The following TTC28 variants were observed in gnomAD, a reference collection of about 807,000 sequenced individuals.
TTC28 encodes the protein tetratricopeptide repeat protein 28.
In TTC28, 61 loss-of-function variants were observed where a neutral mutation model predicts 198.0. The observed-to-expected ratio is 0.31, with a 90% confidence interval of 0.25 to 0.38. The LOEUF is 0.38. Among genes scored for constraint, TTC28 ranks in the 10% least tolerant of loss-of-function variants. The pLI is 1.00. For missense variants in TTC28, 2,678 were observed against 3,164.0 expected (o/e 0.85, Z 3.69); for synonymous variants, 1,171 against 1,297.8 (o/e 0.90, Z 2.10).
intron 5 of TTC28, among the ~76,000 whole-genome samples, chr22:28,284,748 T>A (rs2044648548): frequency 6.6e-6 from 1 of 152,062 alleles, no homozygotes; most frequent in Non-Finnish European, 1.5e-5. Context: ...TGAAAAAGTG[T>A]TAAAACATCA....
intron 2 of TTC28, among the ~76,000 whole-genome samples, chr22:28,520,629 G>A (rs996816665): frequency 3.3e-5 from 5 of 152,184 alleles, no homozygotes; most frequent in African/African-American, 1.2e-4. Flanking sequence ...ATGGTGGCAT[G>A]TGCCTGTGGT....
rs1937108942 is a variant in TTC28, at chr22:27,983,836, G to A, written c.5831C>T (p.Pro1944Leu). The A allele has an allele frequency of 6.4e-7, 1 of 1,551,046 alleles. No individual in the cohort carries two copies. The highest frequency in any genetic ancestry group is 8.7e-7 in the Non-Finnish European group (1 of 1,146,834). The change falls in exon 23 of 23, where the codon CCC (proline) becomes CTC (leucine). Residue 1944 changes from proline to leucine, a missense_variant. Pro to Leu is a moderately conservative substitution (Grantham distance 98, BLOSUM62 -3). Coordinates refer to ENST00000397906, the MANE Select transcript of TTC28 (RefSeq NM_001145418.2). ...GGAGCTGTCAAGGCTGAGGCGCTTGGGTAGCTCAGTAGAATCTAAGCACAA... is the reference window on the plus strand; with the variant it reads ...GGAGCTGTCAAGGCTGAGGCGCTTGAGTAGCTCAGTAGAATCTAAGCACAA... ...LLSLFDSTEL[P>L]KRLSLDSSSS...
intron 2 of TTC28, among the ~76,000 whole-genome samples, chr22:28,496,484 C>A (rs112257793): frequency 2.0e-5 from 3 of 152,232 alleles, no homozygotes; most frequent in African/African-American, 7.2e-5. Flanking sequence ...TTTGCTCTCA[C>A]ATACCACATC....
intron 14 of TTC28, chr22:28,007,629 A>G (rs1410534712): frequency 6.6e-6 from 1 of 152,164 alleles, no homozygotes; most frequent in African/African-American, 2.4e-5. Flanking sequence ...CTCTCTCTCT[A>G]TCTTGGCTGA....
intron 5 of TTC28, among the ~76,000 whole-genome samples, chr22:28,285,696 T>G (rs1025687535): frequency 3.3e-5 from 5 of 152,212 alleles, no homozygotes; most frequent in Non-Finnish European, 5.9e-5. Context: ...TAATTTGTAT[T>G]CAGCAATTAT....
intron 2 of TTC28, among the ~76,000 whole-genome samples, chr22:28,307,106 C>T (rs1489544954): frequency 1.3e-5 from 2 of 152,020 alleles, no homozygotes; most frequent in East Asian, 3.9e-4. Flanking sequence ...TGTGTGATTA[C>T]TTTTAAGATA....
chr22:28,554,360 G>C (rs918678097), intron 2 of TTC28, among the ~76,000 whole-genome samples: 1 of 132,328 alleles, frequency 7.6e-6, no homozygotes, highest in East Asian at 2.1e-4. Flanking sequence ...AAACACCCAA[G>C]AATGATCAAT....
intron 1 of TTC28, among the ~76,000 whole-genome samples, chr22:28,632,796 A>C (rs1243671976): frequency 6.6e-6 from 1 of 151,702 alleles, no homozygotes; most frequent in Non-Finnish European, 1.5e-5. Context: ...AAGAAGAAGA[A>C]TCCTACTATT....
At chr22:28,161,900 A>AGGG in intron 6 of TTC28, among the ~76,000 whole-genome samples, 1 of 64,044 alleles carries the variant, frequency 1.6e-5, no homozygotes, top group African/African-American at 6.0e-5. Flanking sequence ...GAAGGGAAGG[A>AGGG]AGGAGGGAGG....
chr22:28,013,298 C>T (rs1938229909), intron 14 of TTC28, among the ~76,000 whole-genome samples: 1 of 152,236 alleles, frequency 6.6e-6, no homozygotes, highest in Non-Finnish European at 1.5e-5. Context: ...CAGCAGCCTG[C>T]TCGCCTGCTG....
At chr22:28,287,952 C>A (rs550280759) in intron 5 of TTC28, among the ~76,000 whole-genome samples, 2 of 152,230 alleles carry the variant, frequency 1.3e-5, no homozygotes, top group Admixed American at 1.3e-4. Flanking sequence ...AAATCTACAG[C>A]ACTTTTTCAA....
intron 5 of TTC28, among the ~76,000 whole-genome samples, chr22:28,229,265 T>A (rs1244498797): frequency 6.6e-6 from 1 of 152,226 alleles, no homozygotes; most frequent in Non-Finnish European, 1.5e-5. Flanking sequence ...TCTACTGTCT[T>A]TAAAAATCAC....
chr22:28,553,709 T>C (rs932437354), intron 2 of TTC28, among the ~76,000 whole-genome samples: 3 of 145,942 alleles, frequency 2.1e-5, no homozygotes, highest in African/African-American at 5.2e-5. Flanking sequence ...AGGTGGGGGG[T>C]CAGCCCCCGC....
chr22:28,246,704 C>T (rs1168279719), intron 5 of TTC28, among the ~76,000 whole-genome samples: 2 of 152,102 alleles, frequency 1.3e-5, no homozygotes, highest in South Asian at 4.2e-4. Flanking sequence ...AGTAACAGAC[C>T]GAAGACCACA....
At position 28,346,422 on chromosome 22, in the gene TTC28, T is replaced by G. The variant is rs546386816; in HGVS notation, c.382-39779A>C. Among the ~76,000 whole-genome samples, 32 of 152,300 alleles carry G rather than the reference T, an allele frequency of 2.1e-4. 1 individual carries two copies. The highest frequency in any genetic ancestry group is 7.2e-4 in the African/African-American group (30 of 41,582). ...TCTTCTTTGAAACATTGAGGCTACT[T>G]TATGTTCACTGGAAAATTCCGAAAG... On this transcript the variant is annotated intron_variant, in intron 2 of 22. Coordinates refer to ENST00000397906, the MANE Select transcript of TTC28 (RefSeq NM_001145418.2).
intron 2 of TTC28, among the ~76,000 whole-genome samples, chr22:28,307,328 A>G (rs1036719990): frequency 6.6e-6 from 1 of 152,220 alleles, no homozygotes; most frequent in Non-Finnish European, 1.5e-5. Flanking sequence ...TGCAGAAAAG[A>G]CCAGAGAATT....
chr22:28,434,426 G>A (rs1004841880), intron 2 of TTC28, among the ~76,000 whole-genome samples: 1 of 152,160 alleles, frequency 6.6e-6, no homozygotes, highest in African/African-American at 2.4e-5. Flanking sequence ...GCTCATGCCT[G>A]TAATCCCAGC....
intron 2 of TTC28, among the ~76,000 whole-genome samples, chr22:28,590,322 G>A (rs2050404962): frequency 6.6e-6 from 1 of 151,658 alleles, no homozygotes; most frequent in Non-Finnish European, 1.5e-5. Flanking sequence ...GTAGAGACGG[G>A]GTTTCACCAT....
At chr22:28,208,729 G>A (rs1352684808) in intron 5 of TTC28, among the ~76,000 whole-genome samples, 1 of 151,976 alleles carries the variant, frequency 6.6e-6, no homozygotes. Context: ...ATATATATAT[G>A]TGCATATATT....
Sources: allele counts gnomAD v4.1 joint callset (sites outside exome capture counted in the v4.1 genomes callset), GRCh38; gene constraint gnomAD v4.1.1; transcripts MANE v1.5; gene names NCBI Gene and HGNC (gene_info 2026-07-23, HGNC 2026-07-21).